SIL1: variants seen among roughly 807,000 people sequenced by gnomAD.
SIL1 encodes the protein SIL1 nucleotide exchange factor, also known as nucleotide exchange factor SIL1.
SIL1 carries 40 observed loss-of-function variants against 49.1 expected under a neutral mutation model. The ratio of observed to expected loss-of-function variants is 0.81; its 90% CI spans 0.63 to 1.06. SIL1 has a LOEUF of 1.06. SIL1 is among the 50% of genes least tolerant of loss of function. The pLI, the probability that SIL1 is intolerant of heterozygous loss-of-function variation, is 0.00. For synonymous variants in SIL1, 253 were observed against 250.8 expected, an observed-to-expected ratio of 1.01 and a Z score of -0.08; for missense variants, 500 against 572.6, an observed-to-expected ratio of 0.87 and a Z score of 1.29.
intron 1 of SIL1, among the ~76,000 whole-genome samples, chr5:139,184,978 A>C (rs973143160): frequency 6.6e-6 from 1 of 152,244 alleles, no homozygotes; most frequent in Non-Finnish European, 1.5e-5. Flanking sequence ...ACATTTAAAA[A>C]ATAACAATAC....
At chr5:138,990,954 G>C (rs997373932) in intron 7 of SIL1, among the ~76,000 whole-genome samples, 1 of 152,228 alleles carries the variant, frequency 6.6e-6, no homozygotes, top group Non-Finnish European at 1.5e-5. Flanking sequence ...AGCCTCAGGT[G>C]ATCCGCCTGC....
chr5:138,951,462 T>G (rs930390782), intron 8 of SIL1, 127 bp from the exon 9 acceptor site: 3 of 965,858 alleles, frequency 3.1e-6, no homozygotes, highest in Non-Finnish European at 3.1e-6. Context: ...CAGTTACAGC[T>G]ATACCCCAGA....
chr5:139,054,909 A>C (rs1251393358), intron 3 of SIL1, among the ~76,000 whole-genome samples: 1 of 152,256 alleles, frequency 6.6e-6, no homozygotes, highest in Non-Finnish European at 1.5e-5. Context: ...AGTATTTCAA[A>C]TACTTCTCCA....
intron 7 of SIL1, among the ~76,000 whole-genome samples, chr5:139,008,663 C>G (rs966620454): frequency 1.3e-5 from 2 of 148,628 alleles, no homozygotes; most frequent in African/African-American, 5.0e-5. Context: ...TATGTTGTGT[C>G]TTTGTTCTCA....
intron 4 of SIL1, among the ~76,000 whole-genome samples, chr5:139,047,254 A>G (rs1769186558): frequency 1.3e-5 from 2 of 152,232 alleles, no homozygotes. Context: ...GACTAAAACC[A>G]CTAGAGATGG....
chr5:139,179,707 A>G (rs1751948832), intron 1 of SIL1, among the ~76,000 whole-genome samples: 1 of 152,200 alleles, frequency 6.6e-6, no homozygotes, highest in African/African-American at 2.4e-5. Context: ...ACAGATAGGT[A>G]GCTGATGCTC....
intron 7 of SIL1, 81 bp downstream of exon 7, chr5:139,021,090 A>G (rs562940337): frequency 1.3e-6 from 2 of 1,576,632 alleles, no homozygotes; most frequent in Admixed American, 3.3e-5. Flanking sequence ...CAGTAGCAAC[A>G]GGCACATTCA....
chr5:138,990,392 C>A (rs1447309827), intron 7 of SIL1, among the ~76,000 whole-genome samples: 1 of 152,152 alleles, frequency 6.6e-6, no homozygotes, highest in Non-Finnish European at 1.5e-5. Context: ...AGAAGGTAAC[C>A]TGGGGAGGAC....
intron 1 of SIL1, chr5:139,131,737 T>A (rs1750868804): frequency 6.6e-6 from 1 of 152,052 alleles, no homozygotes; most frequent in African/African-American, 2.4e-5. Flanking sequence ...TCTGGATAGG[T>A]GACTGGCCAT....
chr5:139,151,586 A>C (rs1232049225), intron 1 of SIL1, among the ~76,000 whole-genome samples: 1 of 152,212 alleles, frequency 6.6e-6, no homozygotes, highest in African/African-American at 2.4e-5. Flanking sequence ...CTTGATTAAA[A>C]ATTTATCTAA....
At chr5:139,121,322 G>A in intron 2 of SIL1, 149 bp from the exon 3 acceptor site, 1 of 1,102,336 alleles carries the variant, frequency 9.1e-7, no homozygotes, top group Non-Finnish European at 1.3e-6. Flanking sequence ...CTTTCCCAAG[G>A]TCAGCCTCAG....
intron 7 of SIL1, among the ~76,000 whole-genome samples, chr5:138,978,739 G>A (rs1767446085): frequency 6.6e-6 from 1 of 152,180 alleles, no homozygotes; most frequent in Non-Finnish European, 1.5e-5. Flanking sequence ...TTCTCTCATT[G>A]TGGTTGGGTT....
intron 4 of SIL1, among the ~76,000 whole-genome samples, chr5:139,047,978 T>A (rs1269547735): frequency 2.0e-5 from 3 of 152,242 alleles, no homozygotes; most frequent in Non-Finnish European, 4.4e-5. Context: ...CTCTGCTGTC[T>A]ATTCGTAAAA....
intron 3 of SIL1, among the ~76,000 whole-genome samples, chr5:139,084,936 T>C (rs1221314361): frequency 2.0e-5 from 3 of 152,224 alleles, no homozygotes; most frequent in African/African-American, 7.2e-5. Flanking sequence ...CACTTATCAC[T>C]AATAATTTTT....
intron 3 of SIL1, among the ~76,000 whole-genome samples, chr5:139,098,355 T>C (rs1024995968): frequency 1.3e-5 from 2 of 152,218 alleles, no homozygotes; most frequent in Admixed American, 1.3e-4. Flanking sequence ...AGATGGTCTC[T>C]TCAATAAATG....
intron 1 of SIL1, among the ~76,000 whole-genome samples, chr5:139,173,545 G>A (rs1025708409): frequency 6.6e-6 from 1 of 151,914 alleles, no homozygotes; most frequent in Non-Finnish European, 1.5e-5. Context: ...GTGAGACGCT[G>A]TCTTAAAAAT....
At chr5:138,976,397 C>T (rs955171885) in intron 7 of SIL1, among the ~76,000 whole-genome samples, 2 of 150,734 alleles carry the variant, frequency 1.3e-5, no homozygotes, top group African/African-American at 4.9e-5. Context: ...ACTGCAACCT[C>T]TGCCTCCTGG....
chr5:139,120,815 C>T (rs756142166), intron 3 of SIL1, among the ~76,000 whole-genome samples: 3 of 152,202 alleles, frequency 2.0e-5, no homozygotes. Context: ...CCACCCACCA[C>T]CTGCCTTCCT....
rs12109868 is a variant in SIL1, at chr5:139,138,228, G to A, written c.-10-10375C>T. On this transcript the variant is annotated intron_variant, in intron 1 of 9. Transcript: ENST00000394817. ...CTGTCTGGCAAGAACTTGACACCTC[G>A]CCCCTCCATGCAGAAAATACACAAG... 9.3e-3 allele frequency among the ~76,000 whole-genome samples: 1,414 copies of A among 152,010 alleles called. 24 individuals carry two copies. Among genetic ancestry groups the A allele is most frequent in the African/African-American group, 0.032 (1,323 of 41,442 alleles).
Sources: allele counts gnomAD v4.1 joint callset (sites outside exome capture counted in the v4.1 genomes callset), GRCh38; gene constraint gnomAD v4.1.1; transcripts MANE v1.5; gene names NCBI Gene and HGNC (gene_info 2026-07-23, HGNC 2026-07-21).